The following PLGRKT variants were observed in gnomAD, a reference collection of about 807,000 sequenced individuals.
The protein encoded by PLGRKT is plasminogen receptor with a C-terminal lysine.
PLGRKT carries 22 observed loss-of-function variants against 18.5 expected under a neutral mutation model. The ratio of observed to expected loss-of-function variants is 1.19; its 90% confidence interval spans 0.85 to 1.70. The LOEUF is 1.70. Ranked by LOEUF, PLGRKT falls within the 40% of genes most tolerant of loss-of-function variation. The pLI is 0.00. For synonymous variants in PLGRKT, 72 were observed against 52.8 expected (o/e 1.36, Z -1.58); for missense variants, 235 against 174.4 (o/e 1.35, Z -1.96).
At chr9:5,360,619 G>A (rs1440495272) in intron 5 of PLGRKT, among the ~76,000 whole-genome samples, 3 of 152,126 alleles carry the variant, frequency 2.0e-5, no homozygotes, top group African/African-American at 4.8e-5. Flanking sequence ...CCAATGGGAT[G>A]TCACTGAAAC....
At chr9:5,419,926 G>A (rs1238513046) in intron 3 of PLGRKT, among the ~76,000 whole-genome samples, 1 of 152,164 alleles carries the variant, frequency 6.6e-6, no homozygotes, top group African/African-American at 2.4e-5. Context: ...GTATAAGAAT[G>A]TTCACAGCAG....
At chr9:5,424,228 T>C (rs1302079909) in intron 3 of PLGRKT, among the ~76,000 whole-genome samples, 4 of 138,014 alleles carry the variant, frequency 2.9e-5, no homozygotes, top group Admixed American at 7.8e-5. Flanking sequence ...AATATATATG[T>C]ATTTATATGT....
intron 3 of PLGRKT, among the ~76,000 whole-genome samples, chr9:5,424,922 ATATTAAATAACTGTATTTTT>A (rs1818667395): frequency 6.6e-6 from 1 of 151,688 alleles, no homozygotes; most frequent in Non-Finnish European, 1.5e-5. Flanking sequence ...ATACATATTA[ATATTAAATAACTGTATTTTT>A]TGGTTTATAG....
intron 3 of PLGRKT, among the ~76,000 whole-genome samples, chr9:5,424,417 T>A (rs566760282): frequency 4.7e-4 from 61 of 128,684 alleles, no homozygotes; most frequent in African/African-American, 1.8e-3. Context: ...TATATTAACA[T>A]ATAATATATA....
At chr9:5,372,146 T>C (rs1018599562) in intron 3 of PLGRKT, among the ~76,000 whole-genome samples, 2 of 151,928 alleles carry the variant, frequency 1.3e-5, no homozygotes, top group African/African-American at 2.4e-5. Context: ...CACGCCCAGC[T>C]AATTTTTGTA....
chr9:5,438,171 G>C (rs1005999904), upstream of PLGRKT, among the ~76,000 whole-genome samples: 3 of 152,188 alleles, frequency 2.0e-5, no homozygotes, highest in Non-Finnish European at 2.9e-5. Flanking sequence ...AAGTCATAAA[G>C]ATAAGACAGA....
intron 3 of PLGRKT, among the ~76,000 whole-genome samples, chr9:5,364,911 T>C (rs1817350630): frequency 6.6e-6 from 1 of 152,216 alleles, no homozygotes; most frequent in Non-Finnish European, 1.5e-5. Flanking sequence ...TATGAACTCA[T>C]GCTTAGTGCT....
intron 3 of PLGRKT, among the ~76,000 whole-genome samples, chr9:5,422,591 T>G (rs1818599072): frequency 6.6e-6 from 1 of 152,212 alleles, no homozygotes; most frequent in Admixed American, 6.5e-5. Flanking sequence ...AAACTTTGCT[T>G]GGATCCCTAT....
chr9:5,431,990 T>G lies in PLGRKT; in HGVS notation c.-6-7A>C, dbSNP rs1355057178. 2.3e-6 allele frequency: 3 copies of G among 1,318,296 alleles called. No individual in the cohort carries two copies. In the South Asian group the frequency reaches 3.6e-5, roughly 16 times the overall value. The allele number at this position is 1,318,296 out of a possible 1,614,324, so 81.7% of individuals were successfully genotyped here. A position where few individuals can be genotyped will look rare whatever the true frequency, so the allele number is the denominator to read the frequency against. On this transcript the variant is annotated splice_region_variant and splice_polypyrimidine_tract_variant and intron_variant, in intron 2 of 5. Transcript: ENST00000223864. ...ATATAAACCCCATTTTGACCTAAAA[T>G]GTAAAAAAAGCAAGGAGACTTATAA...
chr9:5,383,702 T>C (rs1243327623), intron 3 of PLGRKT, among the ~76,000 whole-genome samples: 3 of 152,100 alleles, frequency 2.0e-5, no homozygotes, highest in Non-Finnish European at 2.9e-5. Context: ...ACATGCACGG[T>C]TCACAACAGG....
chr9:5,418,383 C>A lies in PLGRKT; in HGVS notation c.81+13514G>T. 3.9e-6 allele frequency: 3 copies of A among 777,188 alleles called. No individual in the cohort carries two copies. Among genetic ancestry groups the A allele is most frequent in the South Asian group, 2.9e-5 (2 of 68,138 alleles). The allele number at this position is 777,188 out of a possible 1,614,324, so 48.1% of individuals were successfully genotyped here. On this transcript the variant is annotated intron_variant, in intron 3 of 5. Transcript: ENST00000223864. The surrounding 1 kb of genome is among the most constrained non-coding windows in gnomAD (Gnocchi z 4.2). ...GCAGCCCTCTCCAGCCACAAGATGT[C>A]ACAGTCAAGCGCTTAGAAATGCAGG... is the stretch of plus-strand genomic sequence containing the variant.
intron 3 of PLGRKT, among the ~76,000 whole-genome samples, chr9:5,405,386 C>A (rs959104267): frequency 6.6e-6 from 1 of 152,176 alleles, no homozygotes; most frequent in Non-Finnish European, 1.5e-5. Context: ...ATCAAAACAG[C>A]ATGGTACTGG....
At chr9:5,434,429 A>AG (rs1818915357) in intron 2 of PLGRKT, among the ~76,000 whole-genome samples, 1 of 123,746 alleles carries the variant, frequency 8.1e-6, no homozygotes, top group African/African-American at 3.2e-5. Flanking sequence ...GGAAGTGAGG[A>AG]GCACCTCTGC....
chr9:5,407,492 C>A (rs1198186284), intron 3 of PLGRKT, among the ~76,000 whole-genome samples: 3 of 152,108 alleles, frequency 2.0e-5, no homozygotes, highest in Non-Finnish European at 4.4e-5. Flanking sequence ...ATCTTTATAA[C>A]CTTATTGACT....
chr9:5,417,598 A>C (rs1355044340), intron 3 of PLGRKT, among the ~76,000 whole-genome samples: 3 of 151,854 alleles, frequency 2.0e-5, no homozygotes, highest in Non-Finnish European at 4.4e-5. Flanking sequence ...GAATGGGAGA[A>C]TATATTTACA....
intron 3 of PLGRKT, among the ~76,000 whole-genome samples, chr9:5,368,094 C>T (rs907048782): frequency 1.3e-5 from 2 of 152,040 alleles, no homozygotes; most frequent in East Asian, 3.8e-4. Context: ...CAGATGCTGG[C>T]AAGGCTGCAG....
At chr9:5,382,889 AGAAG>A (rs1817773465) in intron 3 of PLGRKT, among the ~76,000 whole-genome samples, 1 of 152,166 alleles carries the variant, frequency 6.6e-6, no homozygotes, top group Non-Finnish European at 1.5e-5. Context: ...ATGTGGGTGG[AGAAG>A]GAAGGGAAGA....
intron 3 of PLGRKT, among the ~76,000 whole-genome samples, chr9:5,428,842 T>A (rs745462704): frequency 3.6e-4 from 55 of 152,138 alleles, no homozygotes; most frequent in Non-Finnish European, 7.5e-4. Context: ...GGGACTATAG[T>A]TGTGTAACAC....
At chr9:5,413,404 T>C (rs1818401164) in intron 3 of PLGRKT, among the ~76,000 whole-genome samples, 1 of 152,208 alleles carries the variant, frequency 6.6e-6, no homozygotes, top group Non-Finnish European at 1.5e-5. Context: ...AAGGACTTTG[T>C]AGATCTGACT....
Sources: allele counts gnomAD v4.1 joint callset (sites outside exome capture counted in the v4.1 genomes callset), GRCh38; gene constraint gnomAD v4.1.1; non-coding constraint Gnocchi (gnomAD v3.1); transcripts MANE v1.5; gene names NCBI Gene and HGNC (gene_info 2026-07-23, HGNC 2026-07-21).